The following HS3ST2 variants were observed in gnomAD, a reference collection of about 807,000 sequenced individuals.
HS3ST2 encodes heparan sulfate glucosamine 3-O-sulfotransferase 2.
HS3ST2 carries 17 observed loss-of-function variants against 26.3 expected under a neutral mutation model. That is an observed-to-expected ratio of 0.65 (90% CI 0.44 to 0.97). The LOEUF (loss-of-function observed/expected upper bound fraction) is 0.97. Among genes scored for constraint, HS3ST2 ranks in the 50% least tolerant of loss-of-function variants. The probability of loss-of-function intolerance (pLI) is 0.00; values close to 1 mark genes in which losing one functional copy is unlikely to be tolerated. For synonymous variants in HS3ST2, 237 were observed against 219.2 expected (o/e 1.08, Z -0.72); for missense variants, 402 against 501.2 (o/e 0.80, Z 1.89).
At chr16:22,832,522 C>T (rs74014342) in intron 1 of HS3ST2, among the ~76,000 whole-genome samples, 1,805 of 152,050 alleles carry the variant, frequency 0.012, 29 homozygotes, top group African/African-American at 0.041. Flanking sequence ...CCCACACCCA[C>T]ATTCCTGAAT....
At chr16:22,875,597 G>C (rs1263162387) in intron 1 of HS3ST2, among the ~76,000 whole-genome samples, 2 of 151,932 alleles carry the variant, frequency 1.3e-5, no homozygotes, top group Admixed American at 1.3e-4. Flanking sequence ...TAGCCAGGAT[G>C]GTCTCGATCT....
chr16:22,848,723 G>A (rs1056141650), intron 1 of HS3ST2, among the ~76,000 whole-genome samples: 6 of 152,116 alleles, frequency 3.9e-5, no homozygotes, highest in Admixed American at 1.3e-4. Context: ...AGTGCTCTAC[G>A]TATTCAAGTT....
At chr16:22,840,235 G>A (rs1034171872) in intron 1 of HS3ST2, among the ~76,000 whole-genome samples, 2 of 152,214 alleles carry the variant, frequency 1.3e-5, no homozygotes, top group African/African-American at 2.4e-5. Flanking sequence ...AAGGGCACAA[G>A]ATTTCTCCAA....
At chr16:22,880,748 G>T (rs886080898) in intron 1 of HS3ST2, among the ~76,000 whole-genome samples, 4 of 152,136 alleles carry the variant, frequency 2.6e-5, no homozygotes, top group African/African-American at 9.7e-5. Context: ...CAAAATGGGT[G>T]AATCCAAACC....
chr16:22,887,760 A>G (rs1902080189), intron 1 of HS3ST2, among the ~76,000 whole-genome samples: 1 of 147,450 alleles, frequency 6.8e-6, no homozygotes, highest in African/African-American at 2.5e-5. Context: ...CAGCCTGGGC[A>G]ATATAACGAG....
At chr16:22,850,159 G>T (rs1440871634) in intron 1 of HS3ST2, among the ~76,000 whole-genome samples, 4 of 152,082 alleles carry the variant, frequency 2.6e-5, no homozygotes, top group African/African-American at 7.2e-5. Flanking sequence ...AATACAATGG[G>T]TAACCCTTAA....
At chr16:22,846,979 GT>G (rs1371668609) in intron 1 of HS3ST2, among the ~76,000 whole-genome samples, 1 of 152,156 alleles carries the variant, frequency 6.6e-6, no homozygotes, top group Non-Finnish European at 1.5e-5. Flanking sequence ...GGGATAGATT[GT>G]TTTTAACTTT....
rs1901156394 is a variant in HS3ST2 at position 22,830,715 on chromosome 16, C to T, written c.485+15620C>T. On this transcript the variant is annotated intron_variant, in intron 1 of 1. Coordinates refer to ENST00000261374, the MANE Select transcript of HS3ST2 (RefSeq NM_006043.2). ...GCCTCTGGGCCAACCTGTCTACAAC[C>T]TCCCCAATCATGGGGTCATCAACGT... 2.0e-5 allele frequency among the ~76,000 whole-genome samples: 3 copies of T among 152,338 alleles called. No homozygotes were observed. The South Asian group carries it at 6.2e-4, about 32-fold the overall frequency.
At chr16:22,911,657 C>T (rs372574971) in intron 1 of HS3ST2, among the ~76,000 whole-genome samples, 1 of 152,226 alleles carries the variant, frequency 6.6e-6, no homozygotes, top group Non-Finnish European at 1.5e-5. Context: ...TTACTTCACA[C>T]TCTGCCTTCA....
intron 1 of HS3ST2, among the ~76,000 whole-genome samples, chr16:22,844,417 A>G (rs1429741066): frequency 6.6e-6 from 1 of 152,036 alleles, no homozygotes; most frequent in Non-Finnish European, 1.5e-5. Context: ...CAGGGTGGCA[A>G]CCTTTATAAG....
At chr16:22,877,900 C>T (rs959552717) in intron 1 of HS3ST2, among the ~76,000 whole-genome samples, 1 of 152,066 alleles carries the variant, frequency 6.6e-6, no homozygotes, top group Middle Eastern at 3.2e-3. Flanking sequence ...TTCTTTCTTG[C>T]ATAGAGGGGG....
rs1267125626 is a variant in HS3ST2, at chr16:22,855,121, C to T, written c.485+40026C>T. ...TCTATTTCCTGCAGTAAATCATTTTCCAAACCACATTTTTCCTCTGCCCAT... is the reference window on the plus strand; with the variant it reads ...TCTATTTCCTGCAGTAAATCATTTTTCAAACCACATTTTTCCTCTGCCCAT... On this transcript the variant is annotated intron_variant, in intron 1 of 1. Transcript: ENST00000261374. Among the ~76,000 whole-genome samples, 8 of 152,284 alleles carry T rather than the reference C, an allele frequency of 5.3e-5. No homozygotes were observed. The East Asian group carries it at 1.5e-3, about 29-fold the overall frequency.
At chr16:22,900,980 A>G (rs1902275568) in intron 1 of HS3ST2, among the ~76,000 whole-genome samples, 1 of 152,110 alleles carries the variant, frequency 6.6e-6, no homozygotes, top group Non-Finnish European at 1.5e-5. Context: ...AGGGATAGAT[A>G]GCTGGTTTTT....
At chr16:22,913,582 G>C (rs1463292206) in intron 1 of HS3ST2, among the ~76,000 whole-genome samples, 1 of 152,176 alleles carries the variant, frequency 6.6e-6, no homozygotes, top group Non-Finnish European at 1.5e-5. Context: ...CCCAAAAAAA[G>C]ATTTTCTTAA....
At chr16:22,875,583 G>T (rs1901904636) in intron 1 of HS3ST2, among the ~76,000 whole-genome samples, 1 of 152,024 alleles carries the variant, frequency 6.6e-6, no homozygotes, top group South Asian at 2.1e-4. Flanking sequence ...GGATTTCACT[G>T]TGTTAGCCAG....
intron 1 of HS3ST2, among the ~76,000 whole-genome samples, chr16:22,865,504 C>T (rs780662295): frequency 1.3e-5 from 2 of 151,186 alleles, no homozygotes; most frequent in African/African-American, 4.9e-5. Context: ...TGCAGTGAGC[C>T]GAGATCTCAC....
At chr16:22,885,800 A>G (rs990334036) in intron 1 of HS3ST2, among the ~76,000 whole-genome samples, 1 of 152,070 alleles carries the variant, frequency 6.6e-6, no homozygotes, top group Admixed American at 6.5e-5. Flanking sequence ...CTGGGGATAA[A>G]GTGGGGAAGA....
intron 1 of HS3ST2, among the ~76,000 whole-genome samples, chr16:22,849,393 C>T (rs192080599): frequency 5.9e-5 from 9 of 152,250 alleles, no homozygotes; most frequent in Non-Finnish European, 1.3e-4. Context: ...AATGTTACAG[C>T]TCATCTTCTA....
intron 1 of HS3ST2, among the ~76,000 whole-genome samples, chr16:22,876,680 G>A (rs1901923799): frequency 6.6e-6 from 1 of 152,154 alleles, no homozygotes; most frequent in Non-Finnish European, 1.5e-5. Flanking sequence ...ATTTGCACAT[G>A]CATGTTGATA....
Sources: allele counts gnomAD v4.1 joint callset (sites outside exome capture counted in the v4.1 genomes callset), GRCh38; gene constraint gnomAD v4.1.1; transcripts MANE v1.5; gene names NCBI Gene and HGNC (gene_info 2026-07-23, HGNC 2026-07-21).